Variants in GTF2IRD2B observed in about 807,000 individuals in gnomAD.
The protein encoded by GTF2IRD2B is general transcription factor II-I repeat domain-containing protein 2B.
GTF2IRD2B carries 10 observed loss-of-function variants against 55.6 expected under a neutral mutation model. The observed-to-expected ratio is 0.18, with a 90% CI of 0.11 to 0.31. GTF2IRD2B has a LOEUF of 0.31. GTF2IRD2B is among the 10% of genes least tolerant of loss of function. The pLI, the probability that GTF2IRD2B is intolerant of heterozygous loss-of-function variation, is 1.00. For synonymous variants in GTF2IRD2B, 107 were observed against 320.5 expected (o/e 0.33, Z 7.12); for missense variants, 206 against 802.7 (o/e 0.26, Z 8.98).
chr7:75,123,771 G>T (rs1554536121), intron 6 of GTF2IRD2B: 7 of 501,082 alleles, frequency 1.4e-5, no homozygotes, highest in Middle Eastern at 5.9e-4. Context: ...CCAGCTACTC[G>T]GGAGTCTGAG....
chr7:75,103,807 C>T (rs1257945391), intron 1 of GTF2IRD2B, among the ~76,000 whole-genome samples: 1 of 148,718 alleles, frequency 6.7e-6, no homozygotes, highest in Non-Finnish European at 1.5e-5. Flanking sequence ...CCGAGGTGGG[C>T]AGATCACGAG....
chr7:75,147,132 T>A lies in GTF2IRD2B; in HGVS notation c.1247-562T>A, dbSNP rs587680045. Reference sequence around the variant, plus strand: ...ATAAAGGTCAATCTTCAGGTTTTCTTTAGAAAACCTGAAGATCTGGCTGGG... The same window carrying A: ...ATAAAGGTCAATCTTCAGGTTTTCTATAGAAAACCTGAAGATCTGGCTGGG... On this transcript the variant is annotated intron_variant, in intron 15 of 15. Coordinates refer to ENST00000472837, the MANE Select transcript of GTF2IRD2B (RefSeq NM_001003795.3). Among the ~76,000 whole-genome samples, 135 of 151,442 alleles carry A rather than the reference T, an allele frequency of 8.9e-4. 1 individual carries two copies. In the South Asian group the frequency reaches 0.01, roughly 11 times the overall value.
At position 75,099,871 on chromosome 7, in the gene GTF2IRD2B, G is replaced by A. The variant is rs1807485474; in HGVS notation, c.-6+7106G>A. On this transcript the variant is annotated intron_variant, in intron 1 of 15. Transcript: ENST00000472837. ...ATCATGCCTGTAATCCCAGCACTTT[G>A]GGAGGCTGAGGCAGGTGGATCACCT... 2.2e-5 allele frequency among the ~76,000 whole-genome samples: 3 copies of A among 133,784 alleles called. 1 individual carries two copies. In the South Asian group the frequency reaches 7.4e-4, roughly 33 times the overall value. 87.8% of individuals were successfully genotyped at this position (133,784 alleles called of 152,430 possible). A position where few individuals can be genotyped will look rare whatever the true frequency, so the allele number is the denominator to read the frequency against.
chr7:75,123,074 A>C (rs1188066378), intron 4 of GTF2IRD2B, 62 bp from the exon 5 acceptor site: 33 of 1,569,562 alleles, frequency 2.1e-5, no homozygotes, highest in African/African-American at 1.3e-4. Context: ...CAAAAAACAA[A>C]AAAAAAAAAC....
At chr7:75,135,794 A>G (rs1584546312) in intron 10 of GTF2IRD2B, among the ~76,000 whole-genome samples, 3 of 22,528 alleles carry the variant, frequency 1.3e-4, no homozygotes, top group Middle Eastern at 0.016. Context: ...GCATCATATG[A>G]ATAAAGCCTA....
intron 11 of GTF2IRD2B, among the ~76,000 whole-genome samples, chr7:75,137,201 TAAA>T (rs71223479): frequency 2.3e-5 from 3 of 129,162 alleles, no homozygotes; most frequent in African/African-American, 8.9e-5. Context: ...AGATTCCATC[TAAA>T]AAAAAAAAAA....
intron 2 of GTF2IRD2B, 100 bp from the exon 3 acceptor site, chr7:75,112,297 T>C: frequency 7.7e-6 from 2 of 259,238 alleles, no homozygotes; most frequent in East Asian, 7.7e-5. Flanking sequence ...TAAATATTCC[T>C]TTTGCTACCT....
At position 75,149,484 on chromosome 7, in the gene GTF2IRD2B, G is replaced by A. The variant is rs1455176024; in HGVS notation, c.*187G>A. The A allele has an allele frequency of 5.1e-6, 3 of 583,088 alleles. No individual in the cohort carries two copies. Among genetic ancestry groups the A allele is most frequent in the African/African-American group, 3.7e-5 (2 of 53,506 alleles). 36.1% of individuals were successfully genotyped at this position (583,088 alleles called of 1,614,324 possible). On this transcript the variant is annotated 3_prime_UTR_variant, in exon 16 of 16. Transcript: ENST00000472837. ...CAACTTCCAGCTCCTGGGTTCGAAC[G>A]ATTCTCCTGCCTCAGCCTCCCGAGC...
intron 8 of GTF2IRD2B, 169 bp downstream of exon 8, chr7:75,126,554 AGC>A (rs1808516091): frequency 3.3e-6 from 2 of 597,150 alleles, no homozygotes; most frequent in Non-Finnish European, 6.3e-6. Context: ...TACAAAAATT[AGC>A]CAGGCGTGGC....
intron 8 of GTF2IRD2B, among the ~76,000 whole-genome samples, chr7:75,132,754 T>C (rs1554453133): frequency 6.8e-6 from 1 of 147,670 alleles, no homozygotes; most frequent in Non-Finnish European, 1.5e-5. Flanking sequence ...GGTTTCACCA[T>C]GTTAGCCAGG....
chr7:75,115,283 A>G (rs1808105317), intron 3 of GTF2IRD2B, among the ~76,000 whole-genome samples: 1 of 149,710 alleles, frequency 6.7e-6, no homozygotes, highest in Admixed American at 6.7e-5. Flanking sequence ...CCGTAGATCT[A>G]TTTGTCTTTA....
Position 75,148,399 on chromosome 7 carries a change from T to G in GTF2IRD2B, c.1952T>G (p.Ile651Ser). Residue 651 changes from isoleucine (I) to serine (S), a missense_variant, in exon 16 of 16, where the codon ATC becomes AGC. Ile to Ser is a moderately radical substitution (Grantham distance 142, BLOSUM62 -2). Transcript: ENST00000472837. ...TGCAAGGGTGCGGAACTGAAGTCCA[T>G]CTGTTGTATAATTCATCCGGAATCA... is the stretch of plus-strand genomic sequence containing the variant. Reference protein sequence around the residue: ...TFCKGAELKSICCIIHPESLC... With the variant: ...TFCKGAELKSSCCIIHPESLC... The G allele has an allele frequency of 3.7e-6, 6 of 1,611,554 alleles. No individual in the cohort carries two copies. Among genetic ancestry groups the G allele is most frequent in the South Asian group, 1.1e-5 (1 of 90,996 alleles).
intron 1 of GTF2IRD2B, among the ~76,000 whole-genome samples, chr7:75,106,974 A>G (rs1807827448): frequency 6.6e-6 from 1 of 151,608 alleles, no homozygotes; most frequent in Admixed American, 6.6e-5. Context: ...TCTTGGCAAA[A>G]TTTAGAGTGA....
intron 11 of GTF2IRD2B, among the ~76,000 whole-genome samples, chr7:75,137,210 A>G (rs2115834491): frequency 6.6e-6 from 1 of 151,366 alleles, no homozygotes; most frequent in East Asian, 1.9e-4. Flanking sequence ...CTAAAAAAAA[A>G]AAAAAAAAAA....
rs1438569375 is a variant in GTF2IRD2B at position 75,134,787 on chromosome 7, G to C, written c.749-214G>C. 5.5e-5 allele frequency among the ~76,000 whole-genome samples: 8 copies of C among 144,466 alleles called. No individual in the cohort carries two copies. In the East Asian group the frequency reaches 9.7e-4, roughly 18 times the overall value. 94.8% of individuals were successfully genotyped at this position (144,466 alleles called of 152,430 possible). A position where few individuals can be genotyped will look rare whatever the true frequency, so the allele number is the denominator to read the frequency against. On this transcript the variant is annotated intron_variant, in intron 9 of 15. Transcript: ENST00000472837. The stretch of plus-strand genomic sequence containing the variant: ...TCACCATGTTGGCCAGGCTGGTCTC[G>C]AACTCCTGACCTCAGGTGATCTGCC...
chr7:75,112,700 G>C (rs1554450895), intron 3 of GTF2IRD2B, 165 bp downstream of exon 3: 1 of 1,564,858 alleles, frequency 6.4e-7, no homozygotes, highest in Non-Finnish European at 8.7e-7. Context: ...ACACTGCAGA[G>C]TCCAAGACAA....
chr7:75,148,517 G>A lies in GTF2IRD2B; in HGVS notation c.2070G>A (p.Glu690=). The A allele has an allele frequency of 6.2e-7, 1 of 1,610,814 alleles. No individual in the cohort carries two copies. The highest frequency in any genetic ancestry group is 8.5e-7 in the Non-Finnish European group (1 of 1,179,018). ...WICSRGLNHS[E]FTTLLYELDS... The stretch of plus-strand genomic sequence containing the variant: ...GCTCCCGGGGACTGAACCACAGCGA[G>A]TTCACAACCTTGCTCTATGAGCTGG... The change falls in exon 16 of 16, where the codon GAG becomes GAA. Residue 690 remains glutamate (E), a synonymous_variant. Coordinates refer to ENST00000472837, the MANE Select transcript of GTF2IRD2B (RefSeq NM_001003795.3).
intron 6 of GTF2IRD2B, chr7:75,123,971 A>T: frequency 3.8e-6 from 1 of 262,554 alleles, no homozygotes; most frequent in East Asian, 9.3e-5. Flanking sequence ...ACATGTGCCT[A>T]GGAAACAAAC....
intron 1 of GTF2IRD2B, among the ~76,000 whole-genome samples, chr7:75,104,232 C>T (rs1192857486): frequency 6.7e-6 from 1 of 148,872 alleles, no homozygotes; most frequent in Non-Finnish European, 1.5e-5. Context: ...AAGCAATTCT[C>T]CTGCCTCAGC....
Sources: allele counts gnomAD v4.1 joint callset (sites outside exome capture counted in the v4.1 genomes callset), GRCh38; gene constraint gnomAD v4.1.1; transcripts MANE v1.5; gene names NCBI Gene and HGNC (gene_info 2026-07-23, HGNC 2026-07-21).